The following SDK2 variants were observed in gnomAD, a reference collection of about 807,000 sequenced individuals.
The protein encoded by SDK2 is sidekick cell adhesion molecule 2.
Under a neutral mutation model 253.9 loss-of-function variants are expected in SDK2, and 105 were observed. That is an observed-to-expected ratio of 0.41 (90% CI 0.35 to 0.49). SDK2 has a LOEUF of 0.49. Among genes scored for constraint, SDK2 ranks in the 20% least tolerant of loss-of-function variants. The pLI is 0.06. For synonymous variants in SDK2, 1,249 were observed against 1,234.9 expected (o/e 1.01, Z -0.24); for missense variants, 2,608 against 3,003.0 (o/e 0.87, Z 3.07).
chr17:73,509,586 T>C lies in SDK2; in HGVS notation c.65-1989A>G, dbSNP rs540310086. 2.8e-5 allele frequency among the ~76,000 whole-genome samples: 4 copies of C among 144,838 alleles called. No individual in the cohort carries two copies. The East Asian group carries it at 8.2e-4, about 30-fold the overall frequency. On this transcript the variant is annotated intron_variant, in intron 1 of 44. Coordinates refer to ENST00000392650, the MANE Select transcript of SDK2 (RefSeq NM_001144952.2). ...GGGAGGATCGCTTGAGGCCAGGAGT[T>C]CAATACCAGATTGGGCGACATGGTG... is the stretch of plus-strand genomic sequence containing the variant.
intron 1 of SDK2, among the ~76,000 whole-genome samples, chr17:73,543,096 C>G (rs1208266579): frequency 6.6e-6 from 1 of 152,176 alleles, no homozygotes; most frequent in African/African-American, 2.4e-5. Flanking sequence ...GAAGGTCTTT[C>G]CCAGCTGTCA....
chr17:73,450,494 G>A (rs1205604890), intron 4 of SDK2, among the ~76,000 whole-genome samples: 2 of 152,074 alleles, frequency 1.3e-5, no homozygotes, highest in South Asian at 2.1e-4. Flanking sequence ...CCCCAGCCAC[G>A]CCACATCCAT....
intron 1 of SDK2, among the ~76,000 whole-genome samples, chr17:73,581,799 G>A (rs1233134857): frequency 4.6e-5 from 7 of 152,220 alleles, no homozygotes; most frequent in African/African-American, 1.2e-4. Context: ...AATGAGCCCC[G>A]AGTGGGCCAG....
At chr17:73,347,059 A>C (rs2062490849) in intron 44 of SDK2, among the ~76,000 whole-genome samples, 1 of 152,140 alleles carries the variant, frequency 6.6e-6, no homozygotes, top group East Asian at 1.9e-4. Context: ...CTTATTTAGG[A>C]GCCTCATAAG....
At chr17:73,419,888 A>T (rs935785995) in intron 15 of SDK2, among the ~76,000 whole-genome samples, 2 of 152,070 alleles carry the variant, frequency 1.3e-5, no homozygotes, top group African/African-American at 4.8e-5. Context: ...TCAAAAAAAA[A>T]AAAAAAATTA....
At chr17:73,615,226 T>G (rs1412482548) in intron 1 of SDK2, among the ~76,000 whole-genome samples, 1 of 152,196 alleles carries the variant, frequency 6.6e-6, no homozygotes, top group Non-Finnish European at 1.5e-5. Context: ...TCAAACATCA[T>G]TGACTTTAAC....
Position 73,393,596 on chromosome 17 carries a change from TG to T in SDK2, c.3861del (p.Ser1288AlafsTer32). 6.3e-7 allele frequency: 1 copy of T among 1,578,064 alleles called. No individual in the cohort carries two copies. The highest frequency in any genetic ancestry group is 1.2e-5 in the South Asian group (1 of 86,574). On this transcript the variant is annotated frameshift_variant, in exon 27 of 45. Coordinates refer to ENST00000392650, the MANE Select transcript of SDK2 (RefSeq NM_001144952.2). LOFTEE classifies it high-confidence loss of function. ...LAFTRIGDGS[P>X]SHPPILERTL... ...GTCCGCTCCAGGATGGGAGGGTGGC[TG>T]GGGCTGCCGTCCCCGATGCGTGTGA...
At chr17:73,456,600 C>T (rs1011238061) in intron 3 of SDK2, among the ~76,000 whole-genome samples, 1 of 152,136 alleles carries the variant, frequency 6.6e-6, no homozygotes, top group African/African-American at 2.4e-5. Context: ...GTGCAGACAG[C>T]GTTTCTCTCC....
At chr17:73,375,868 A>G (rs1477242181) in intron 36 of SDK2, among the ~76,000 whole-genome samples, 1 of 51,682 alleles carries the variant, frequency 1.9e-5, no homozygotes, top group African/African-American at 6.6e-5. Context: ...GAAAAAAAAG[A>G]AAGAAAGAAA....
At chr17:73,627,726 C>G (rs2046219778) in intron 1 of SDK2, among the ~76,000 whole-genome samples, 1 of 152,204 alleles carries the variant, frequency 6.6e-6, no homozygotes, top group Non-Finnish European at 1.5e-5. Context: ...CCCACCAACC[C>G]TCGAGTGTGA....
At chr17:73,420,778 C>A (rs1280076307) in intron 15 of SDK2, among the ~76,000 whole-genome samples, 2 of 152,282 alleles carry the variant, frequency 1.3e-5, no homozygotes, top group East Asian at 3.9e-4. Flanking sequence ...CGGGTTCAAG[C>A]AATTCTCCTG....
rs3195414 is a variant in SDK2 at position 73,338,334 on chromosome 17, G to C, written c.*253C>G. 4.3e-5 allele frequency: 27 copies of C among 633,836 alleles called. No individual in the cohort carries two copies. The African/African-American group carries it at 4.7e-4, about 11-fold the overall frequency. 39.3% of individuals were successfully genotyped at this position (633,836 alleles called of 1,614,324 possible). A position where few individuals can be genotyped will look rare whatever the true frequency, so the allele number is the denominator to read the frequency against. On this transcript the variant is annotated 3_prime_UTR_variant, in exon 45 of 45. Coordinates refer to ENST00000392650, the MANE Select transcript of SDK2 (RefSeq NM_001144952.2). This position sits in a 1 kb window ranked among gnomAD's most constrained non-coding sequence, Gnocchi z 5.0. ...GTGACACAGCCACTTCCCCAGCTCC[G>C]TGTAATTCCCAAGGGAGCAGTGAAC...
rs1232777549 is a variant in SDK2, at chr17:73,424,065, G to A, written c.1611C>T (p.Thr537=). 1 of 1,612,770 alleles carries A rather than the reference G, an allele frequency of 6.2e-7. No homozygotes were observed. The highest frequency in any genetic ancestry group is 1.7e-5 in the Admixed American group (1 of 59,946). The change falls in exon 13 of 45, where the codon ACC becomes ACT. Residue 537 remains threonine, a synonymous_variant. Coordinates refer to ENST00000392650, the MANE Select transcript of SDK2 (RefSeq NM_001144952.2). ...TACGAGGATGGCTCTCCGTGCCCAGGGTGGCCCCGTCCTTCTCCCAGATGT... is the reference window on the plus strand; with the variant it reads ...TACGAGGATGGCTCTCCGTGCCCAGAGTGGCCCCGTCCTTCTCCCAGATGT... ...IRYIWEKDGA[T]LGTESHPRIR...
In SDK2 at chr17:73,390,455, T is replaced by C. The variant is rs768292999; in HGVS notation, c.4024A>G (p.Thr1342Ala). ...ACAGTGGCGGTGTTGGCCGTGGTGGTGTTGAGCCGGTGTGTGATCTGGTAA... is the reference window on the plus strand; with the variant it reads ...ACAGTGGCGGTGTTGGCCGTGGTGGCGTTGAGCCGGTGTGTGATCTGGTAA... ...LAYQITHRLN[T>A]TTANTATVEV... Residue 1342 changes from threonine to alanine, a missense_variant, in exon 29 of 45, where the codon ACC (threonine) becomes GCC (alanine). Coordinates refer to ENST00000392650, the MANE Select transcript of SDK2 (RefSeq NM_001144952.2). 4 of 1,612,356 alleles carry C rather than the reference T, an allele frequency of 2.5e-6. No individual in the cohort carries two copies. In the Admixed American group the frequency reaches 6.7e-5, roughly 27 times the overall value.
At chr17:73,636,680 C>CAAAAAAAAAAAAAAAAAAAAAA (rs561026344) in intron 1 of SDK2, among the ~76,000 whole-genome samples, 7 of 50,992 alleles carry the variant, frequency 1.4e-4, no homozygotes, top group Non-Finnish European at 1.8e-4. Flanking sequence ...GACTCTGTCT[C>CAAAAAAAAAAAAAAAAAAAAAA]AAAAAAAAAA....
At chr17:73,566,052 A>G (rs2045307003) in intron 1 of SDK2, among the ~76,000 whole-genome samples, 1 of 152,120 alleles carries the variant, frequency 6.6e-6, no homozygotes, top group South Asian at 2.1e-4. Flanking sequence ...CAATCTCCTG[A>G]CCTCATGATC....
chr17:73,451,324 T>C (rs529728682), intron 4 of SDK2, among the ~76,000 whole-genome samples: 1 of 152,244 alleles, frequency 6.6e-6, no homozygotes, highest in South Asian at 2.1e-4. Context: ...CTGATCAACA[T>C]GGTAAAACCC....
chr17:73,619,189 T>C (rs1212518497), intron 1 of SDK2, among the ~76,000 whole-genome samples: 5 of 126,450 alleles, frequency 4.0e-5, no homozygotes. Flanking sequence ...AAAAAGCAAA[T>C]CCTAGGAGGC....
rs2063464153 is a variant in SDK2 at position 73,447,775 on chromosome 17, ACAG to A, written c.480-30_480-28del. 4 of 1,551,298 alleles carry A rather than the reference ACAG, an allele frequency of 2.6e-6. No individual in the cohort carries two copies. In the Admixed American group the frequency reaches 5.9e-5, roughly 23 times the overall value. On this transcript the variant is annotated intron_variant, in intron 4 of 44. Transcript: ENST00000392650. The surrounding 1 kb of genome is among the most constrained non-coding windows in gnomAD (Gnocchi z 4.0). ...TGGGAAGAGGAAAAGGATTCCTCTG[ACAG>A]GGGCCTAAGGGGCTCTGAACCTCCA...
Sources: gnomAD v4.1 joint callset for allele counts (sites outside exome capture counted in the v4.1 genomes callset) on GRCh38, gnomAD v4.1.1 for gene constraint, Gnocchi (gnomAD v3.1) non-coding constraint, MANE v1.5 for transcripts, NCBI Gene and HGNC (gene_info 2026-07-23, HGNC 2026-07-21) for gene names.